Variants in CNTNAP2 observed in about 807,000 individuals in gnomAD.
CNTNAP2 encodes contactin-associated protein-like 2.
CNTNAP2 carries 98 observed loss-of-function variants against 155.2 expected under a neutral mutation model. The ratio of observed to expected loss-of-function variants is 0.63; its 90% confidence interval spans 0.54 to 0.75. The LOEUF is 0.75. Among genes scored for constraint, CNTNAP2 ranks in the 30% least tolerant of loss-of-function variants. The pLI, the probability that CNTNAP2 is intolerant of heterozygous loss-of-function variation, is 0.00. For synonymous variants in CNTNAP2, 651 were observed against 631.2 expected, an observed-to-expected ratio of 1.03 and a Z score of -0.47; for missense variants, 1,727 against 1,688.1, an observed-to-expected ratio of 1.02 and a Z score of -0.40.
intron 8 of CNTNAP2, among the ~76,000 whole-genome samples, chr7:147,262,558 A>C (rs771627165): frequency 6.6e-5 from 10 of 152,130 alleles, no homozygotes; most frequent in Non-Finnish European, 1.0e-4. Context: ...TAATCTCAGC[A>C]CTTTGGGAGG....
At chr7:146,641,507 T>C (rs1239428530) in intron 1 of CNTNAP2, among the ~76,000 whole-genome samples, 3 of 152,194 alleles carry the variant, frequency 2.0e-5, no homozygotes, top group Non-Finnish European at 4.4e-5. Context: ...TTCAGTTCTT[T>C]TTCCTCTTTG....
At chr7:147,557,212 C>A (rs112440886) in intron 11 of CNTNAP2, among the ~76,000 whole-genome samples, 2 of 151,508 alleles carry the variant, frequency 1.3e-5, no homozygotes, top group African/African-American at 4.9e-5. Context: ...TGCAGTGAGC[C>A]GAGATTGCAC....
intron 15 of CNTNAP2, among the ~76,000 whole-genome samples, chr7:148,071,352 T>C (rs1803378469): frequency 6.6e-6 from 1 of 152,090 alleles, no homozygotes; most frequent in African/African-American, 2.4e-5. Flanking sequence ...TAGCAGCAGG[T>C]GCATGTAATC....
At chr7:146,641,198 G>C (rs187609070) in intron 1 of CNTNAP2, among the ~76,000 whole-genome samples, 2 of 152,082 alleles carry the variant, frequency 1.3e-5, no homozygotes, top group Non-Finnish European at 2.9e-5. Context: ...ATGGTGGCGG[G>C]GGCCTGTAGT....
chr7:146,451,071 C>A (rs113932354), intron 1 of CNTNAP2, among the ~76,000 whole-genome samples: 4,260 of 152,024 alleles, frequency 0.028, 149 homozygotes, highest in African/African-American at 0.08. Flanking sequence ...CTCAGCCTCC[C>A]GAGTAGCTGG....
intron 16 of CNTNAP2, chr7:148,133,704 C>G (rs766935369): frequency 7.2e-5 from 11 of 152,194 alleles, no homozygotes; most frequent in African/African-American, 2.2e-4. Flanking sequence ...TCACATGTCT[C>G]CACCTGGATG....
chr7:148,365,060 C>G (rs971748329), intron 21 of CNTNAP2, among the ~76,000 whole-genome samples: 1 of 152,206 alleles, frequency 6.6e-6, no homozygotes, highest in East Asian at 1.9e-4. Flanking sequence ...CCGCGAGGGT[C>G]CGCGGCTTCA....
intron 12 of CNTNAP2, among the ~76,000 whole-genome samples, chr7:147,628,421 C>A (rs1269390402): frequency 6.6e-6 from 1 of 152,038 alleles, no homozygotes; most frequent in Non-Finnish European, 1.5e-5. Context: ...CTTTTTCAGA[C>A]AAACAAATGC....
At chr7:146,962,411 A>T (rs1018193629) in intron 3 of CNTNAP2, among the ~76,000 whole-genome samples, 1 of 152,228 alleles carries the variant, frequency 6.6e-6, no homozygotes, top group Non-Finnish European at 1.5e-5. Context: ...ACTTGAGATG[A>T]TGCAGGATTG....
At chr7:146,617,246 GT>G (rs1425647978) in intron 1 of CNTNAP2, among the ~76,000 whole-genome samples, 2 of 152,162 alleles carry the variant, frequency 1.3e-5, no homozygotes, top group Non-Finnish European at 2.9e-5. Flanking sequence ...AAGTTTCTTT[GT>G]CTATAACATG....
chr7:147,684,224 T>C (rs1370694228), intron 13 of CNTNAP2, among the ~76,000 whole-genome samples: 1 of 151,882 alleles, frequency 6.6e-6, no homozygotes, highest in African/African-American at 2.4e-5. Context: ...GAGCTGCTTC[T>C]GGCCCTAATG....
At chr7:146,486,990 G>A (rs1364290348) in intron 1 of CNTNAP2, among the ~76,000 whole-genome samples, 1 of 152,124 alleles carries the variant, frequency 6.6e-6, no homozygotes, top group Non-Finnish European at 1.5e-5. Flanking sequence ...TGAAAATGAA[G>A]AGGTCTGGAG....
At chr7:148,312,850 T>C (rs1238924835) in intron 21 of CNTNAP2, among the ~76,000 whole-genome samples, 2 of 149,226 alleles carry the variant, frequency 1.3e-5, no homozygotes, top group Non-Finnish European at 3.0e-5. Context: ...AAGGGGTGCA[T>C]GATCGGTCGC....
chr7:148,031,056 A>G (rs10952727), intron 15 of CNTNAP2, among the ~76,000 whole-genome samples: 49,733 of 152,054 alleles, frequency 0.33, 9,678 homozygotes, highest in East Asian at 0.77. Context: ...TTCAAGCATG[A>G]AGTGAGCCAG....
chr7:146,314,945 A>G (rs1800883299), intron 1 of CNTNAP2, among the ~76,000 whole-genome samples: 1 of 152,218 alleles, frequency 6.6e-6, no homozygotes, highest in South Asian at 2.1e-4. Flanking sequence ...GAGAAGGCAC[A>G]GGAGTGCTGT....
intron 10 of CNTNAP2, among the ~76,000 whole-genome samples, chr7:147,436,601 T>C (rs969270447): frequency 6.6e-6 from 1 of 152,168 alleles, no homozygotes; most frequent in Non-Finnish European, 1.5e-5. Flanking sequence ...TTCAAAACTA[T>C]TGTAACAGAA....
intron 3 of CNTNAP2, among the ~76,000 whole-genome samples, chr7:146,972,037 T>G (rs1199932735): frequency 6.6e-6 from 1 of 152,150 alleles, no homozygotes; most frequent in Non-Finnish European, 1.5e-5. Context: ...GTGGCTTGGG[T>G]AAAGCCTTGA....
chr7:147,661,469 G>T (rs975000940), intron 13 of CNTNAP2, among the ~76,000 whole-genome samples: 9 of 151,870 alleles, frequency 5.9e-5, no homozygotes, highest in African/African-American at 2.2e-4. Flanking sequence ...AGTACCTGTT[G>T]TATGCCTCGA....
At chr7:147,958,207 C>A (rs997127616) in intron 14 of CNTNAP2, among the ~76,000 whole-genome samples, 2 of 152,080 alleles carry the variant, frequency 1.3e-5, no homozygotes, top group African/African-American at 2.4e-5. Context: ...AATTCTTTGC[C>A]TGAAATGGTT....
Sources: gnomAD v4.1 joint callset for allele counts (sites outside exome capture counted in the v4.1 genomes callset) on GRCh38, gnomAD v4.1.1 for gene constraint, MANE v1.5 for transcripts, NCBI Gene and HGNC (gene_info 2026-07-23, HGNC 2026-07-21) for gene names.